SMOC2: variants seen among roughly 807,000 people sequenced by gnomAD.
SMOC2 encodes SPARC related modular calcium binding 2.
Under a neutral mutation model 61.4 loss-of-function variants are expected in SMOC2, and 39 were observed. The observed-to-expected ratio is 0.64, with a 90% CI of 0.49 to 0.83. The LOEUF (loss-of-function observed/expected upper bound fraction) is 0.83, where lower values mean the gene tolerates loss of function less well. SMOC2 is among the 40% of genes least tolerant of loss of function. SMOC2 has a pLI of 0.00. For missense variants in SMOC2, 556 were observed against 592.9 expected (o/e 0.94, Z 0.65); for synonymous variants, 247 against 239.9 (o/e 1.03, Z -0.27).
At chr6:168,598,472 G>A (rs953573341) in intron 7 of SMOC2, among the ~76,000 whole-genome samples, 2 of 152,192 alleles carry the variant, frequency 1.3e-5, no homozygotes, top group African/African-American at 2.4e-5. Flanking sequence ...GTTCTGCCTC[G>A]TCACATTCAG....
intron 9 of SMOC2, among the ~76,000 whole-genome samples, chr6:168,632,037 T>C (rs1218843392): frequency 6.6e-6 from 1 of 152,218 alleles, no homozygotes; most frequent in Non-Finnish European, 1.5e-5. Context: ...ACACGTGAGC[T>C]CCGTTCCCCT....
intron 12 of SMOC2, 64 bp downstream of exon 12, chr6:168,664,175 G>T: frequency 1.5e-6 from 2 of 1,336,124 alleles, no homozygotes. Flanking sequence ...TAAAAATTCA[G>T]AGTTATGTAG....
intron 7 of SMOC2, among the ~76,000 whole-genome samples, chr6:168,563,057 A>T (rs1370540184): frequency 6.6e-6 from 1 of 152,220 alleles, no homozygotes; most frequent in Non-Finnish European, 1.5e-5. Context: ...GCGTCGAGGA[A>T]GGGGGCGGCT....
At chr6:168,537,398 T>C (rs1689881860) in intron 4 of SMOC2, among the ~76,000 whole-genome samples, 1 of 151,924 alleles carries the variant, frequency 6.6e-6, no homozygotes, top group Non-Finnish European at 1.5e-5. Context: ...GAGCAGCGTC[T>C]ATCCTAATAC....
rs138108676 is a variant in SMOC2, at chr6:168,444,856, T to C, written c.84+3402T>C. Among the ~76,000 whole-genome samples, 9 of 152,320 alleles carry C rather than the reference T, an allele frequency of 5.9e-5. No individual in the cohort carries two copies. In the East Asian group the frequency reaches 1.4e-3, roughly 23 times the overall value. Reference sequence around the variant, plus strand: ...GATCCATAAGCCCATACCTAGGTGATTTCTTTAAAGGCAGAGAGAAGAACA... The same window carrying C: ...GATCCATAAGCCCATACCTAGGTGACTTCTTTAAAGGCAGAGAGAAGAACA... On this transcript the variant is annotated intron_variant, in intron 1 of 12. Transcript: ENST00000356284.
intron 9 of SMOC2, among the ~76,000 whole-genome samples, chr6:168,617,662 G>A (rs931692521): frequency 6.6e-6 from 1 of 152,186 alleles, no homozygotes; most frequent in African/African-American, 2.4e-5. Flanking sequence ...TAGACTGTAA[G>A]TAGATTCTGA....
At chr6:168,517,975 C>G (rs1018460020) in intron 2 of SMOC2, among the ~76,000 whole-genome samples, 1 of 152,218 alleles carries the variant, frequency 6.6e-6, no homozygotes, top group Non-Finnish European at 1.5e-5. Flanking sequence ...AACGAGGAGC[C>G]GGTTCAGAGA....
At chr6:168,444,125 G>T (rs895757464) in intron 1 of SMOC2, among the ~76,000 whole-genome samples, 6 of 152,192 alleles carry the variant, frequency 3.9e-5, no homozygotes, top group Non-Finnish European at 8.8e-5. Context: ...ATTTTCACCT[G>T]CCGCAGATTC....
At chr6:168,486,051 CGTTCGTACG>C (rs1179507869) in intron 1 of SMOC2, among the ~76,000 whole-genome samples, 1 of 152,086 alleles carries the variant, frequency 6.6e-6, no homozygotes, top group Non-Finnish European at 1.5e-5. Flanking sequence ...CGTTGTGTAC[CGTTCGTACG>C]GTTCCTGTGT....
chr6:168,614,384 T>G (rs79687967), intron 9 of SMOC2, among the ~76,000 whole-genome samples: 1 of 74,584 alleles, frequency 1.3e-5, no homozygotes, highest in East Asian at 5.1e-4. Flanking sequence ...GGCCTCTTCA[T>G]ACCTACAGCC....
intron 7 of SMOC2, among the ~76,000 whole-genome samples, chr6:168,595,972 A>G (rs1446039633): frequency 6.6e-6 from 1 of 152,244 alleles, no homozygotes; most frequent in Non-Finnish European, 1.5e-5. Context: ...TGCACTAATA[A>G]AATTTCTGAA....
intron 9 of SMOC2, among the ~76,000 whole-genome samples, chr6:168,645,744 G>C (rs747565332): frequency 3.3e-5 from 5 of 152,092 alleles, no homozygotes; most frequent in Non-Finnish European, 7.3e-5. Context: ...TTTCCCCCCA[G>C]GTCACCACGC....
chr6:168,612,790 A>G (rs1785914622), intron 9 of SMOC2, among the ~76,000 whole-genome samples: 1 of 151,678 alleles, frequency 6.6e-6, no homozygotes, highest in African/African-American at 2.4e-5. Context: ...CAGAGAGGAG[A>G]TGCAGGCGAA....
intron 4 of SMOC2, among the ~76,000 whole-genome samples, chr6:168,537,117 G>T (rs1274213724): frequency 6.6e-6 from 1 of 152,256 alleles, no homozygotes; most frequent in Non-Finnish European, 1.5e-5. Context: ...CAAAGGCCTT[G>T]TCTATTTCTT....
rs758895943 is a variant in SMOC2, at chr6:168,667,142, G to A, written c.*704G>A. 3.9e-5 allele frequency: 6 copies of A among 152,190 alleles called. No homozygotes were observed. Among genetic ancestry groups the A allele is most frequent in the Non-Finnish European group, 7.3e-5 (5 of 68,052 alleles). The allele number at this position is 152,190 out of a possible 1,614,324, so 9.4% of individuals were successfully genotyped here. A position where few individuals can be genotyped will look rare whatever the true frequency, so the allele number is the denominator to read the frequency against. ...GGGCTTGAATGAGTCCCAGAGAGTCGTTCGGATGGTGGGAGGCTGCCTAGG... is the reference window on the plus strand; with the variant it reads ...GGGCTTGAATGAGTCCCAGAGAGTCATTCGGATGGTGGGAGGCTGCCTAGG... On this transcript the variant is annotated 3_prime_UTR_variant, in exon 13 of 13. Coordinates refer to ENST00000356284, the MANE Select transcript of SMOC2 (RefSeq NM_001166412.2).
chr6:168,626,500 G>A (rs75926097), intron 9 of SMOC2, among the ~76,000 whole-genome samples: 55 of 152,296 alleles, frequency 3.6e-4, no homozygotes, highest in Non-Finnish European at 6.6e-4. Flanking sequence ...ACACCTGGCC[G>A]TGGCGATTCC....
At chr6:168,556,673 C>T (rs763601981) in intron 7 of SMOC2, among the ~76,000 whole-genome samples, 92 of 151,886 alleles carry the variant, frequency 6.1e-4, no homozygotes, top group Admixed American at 1.1e-3. Flanking sequence ...TATACATGTG[C>T]CATGTTGTGC....
intron 7 of SMOC2, among the ~76,000 whole-genome samples, chr6:168,567,730 G>A (rs1290614542): frequency 6.6e-6 from 1 of 152,234 alleles, no homozygotes; most frequent in African/African-American, 2.4e-5. Context: ...AACGTTATCT[G>A]AAGCTCGATG....
chr6:168,655,564 C>T, intron 11 of SMOC2: 1 of 379,940 alleles, frequency 2.6e-6, no homozygotes, highest in South Asian at 1.9e-5. Context: ...CTGGATCCTA[C>T]TGCATGTGTG....
Sources: gnomAD v4.1 joint callset for allele counts (sites outside exome capture counted in the v4.1 genomes callset) on GRCh38, gnomAD v4.1.1 for gene constraint, MANE v1.5 for transcripts, NCBI Gene and HGNC (gene_info 2026-07-23, HGNC 2026-07-21) for gene names.